The following SLC18A2 variants were observed in gnomAD, a reference collection of about 807,000 sequenced individuals.
SLC18A2 encodes the protein synaptic vesicular amine transporter.
In SLC18A2, 33 loss-of-function variants were observed where a neutral mutation model predicts 59.2. The observed-to-expected ratio is 0.56, with a 90% CI of 0.42 to 0.75. The LOEUF (loss-of-function observed/expected upper bound fraction) is 0.75. Ranked by LOEUF, SLC18A2 falls within the 30% of genes least tolerant of loss-of-function variation. The pLI is 0.00. For synonymous variants in SLC18A2, 228 were observed against 253.5 expected (o/e 0.90, Z 0.95); for missense variants, 569 against 668.6 (o/e 0.85, Z 1.64).
chr10:117,262,193 C>T (rs1844300741), intron 10 of SLC18A2, among the ~76,000 whole-genome samples: 1 of 152,114 alleles, frequency 6.6e-6, no homozygotes, highest in Non-Finnish European at 1.5e-5. Context: ...GCGTGAGCCA[C>T]CGCATCCTGC....
rs760128760 is a variant in SLC18A2 at position 117,243,996 on chromosome 10, C to T, written c.147C>T (p.Tyr49=). The part of the protein sequence containing the change: ...VVVPIIPSYL[Y]SIKHEKNATE... ...TCCCCATCATCCCAAGTTATCTGTA[C>T]AGCATTAAGCATGAGAAGAATGCTA... The change falls in exon 3 of 16, where the codon TAC becomes TAT. Residue 49 remains tyrosine (Y), a synonymous_variant. Transcript: ENST00000644641. The T allele has an allele frequency of 1.2e-4, 195 of 1,613,934 alleles. No individual in the cohort carries two copies. The highest frequency in any genetic ancestry group is 1.6e-4 in the Non-Finnish European group (189 of 1,179,982).
chr10:117,261,640 C>T (rs1844295571), intron 10 of SLC18A2, among the ~76,000 whole-genome samples: 1 of 152,206 alleles, frequency 6.6e-6, no homozygotes, highest in African/African-American at 2.4e-5. Flanking sequence ...CTGGCTTAGA[C>T]TTTCCCTGTT....
At chr10:117,275,812 TAAC>T (rs1844482484) in intron 15 of SLC18A2, among the ~76,000 whole-genome samples, 2 of 152,244 alleles carry the variant, frequency 1.3e-5, no homozygotes, top group South Asian at 4.1e-4. Flanking sequence ...AAATTTTCAG[TAAC>T]AATAAAGGAG....
chr10:117,257,509 T>G (rs1844243824), intron 9 of SLC18A2, among the ~76,000 whole-genome samples: 1 of 152,154 alleles, frequency 6.6e-6, no homozygotes, highest in South Asian at 2.1e-4. Flanking sequence ...GCTTCCTTTC[T>G]TCATTGATAA....
At position 117,262,412 on chromosome 10, in the gene SLC18A2, C is replaced by T. The variant is rs115457906; in HGVS notation, c.992-4321C>T. Among the ~76,000 whole-genome samples the T allele has an allele frequency of 3.3e-3, 504 of 152,306 alleles. 8 individuals carry two copies. Among genetic ancestry groups the T allele is most frequent in the African/African-American group, 0.012 (483 of 41,570 alleles). On this transcript the variant is annotated intron_variant, in intron 10 of 15. Coordinates refer to ENST00000644641, the MANE Select transcript of SLC18A2 (RefSeq NM_003054.6). The stretch of plus-strand genomic sequence containing the variant: ...CTTCAGAGCTCCTAAAGAGGCGTGC[C>T]GCTTGGCAGGAGGGGTGGACTTGGA...
At position 117,270,122 on chromosome 10, in the gene SLC18A2, G is replaced by A. The variant is rs771802997; in HGVS notation, c.1238G>A (p.Arg413Gln). 9.9e-6 allele frequency: 16 copies of A among 1,614,070 alleles called. No homozygotes were observed. The highest frequency in any genetic ancestry group is 9.3e-5 in the African/African-American group (7 of 74,916). Residue 413 changes from arginine to glutamine, a missense_variant, in exon 14 of 16, where the codon CGG (arginine) becomes CAG (glutamine). This residue lies in a region of SLC18A2 where 192 missense variants were observed against 278.8 expected (regional missense o/e 0.69). Transcript: ENST00000644641. ...MPIMGYLVDL[R>Q]HVSVYGSVYA... The stretch of plus-strand genomic sequence containing the variant: ...ATCATGGGCTACCTCGTAGACCTGC[G>A]GCACGTGTCCGTCTATGGGAGTGTG...
Position 117,267,012 on chromosome 10 carries a change from A to T in SLC18A2, c.1099A>T (p.Ile367Phe), listed in dbSNP as rs914892700. 2 of 1,613,682 alleles carry T rather than the reference A, an allele frequency of 1.2e-6. No individual in the cohort carries two copies. Among genetic ancestry groups the T allele is most frequent in the African/African-American group, 2.7e-5 (2 of 75,028 alleles). The stretch of plus-strand genomic sequence containing the variant: ...GCTTTGTGCTCTTCTGGGAATGATA[A>T]TTGTTGGAGTCAGCATTTTATGTGT... ...RWLCALLGMI[I>F]VGVSILCIPF... Residue 367 changes from isoleucine (I) to phenylalanine (F), a missense_variant, in exon 12 of 16, where the codon ATT (isoleucine) becomes TTT (phenylalanine). This residue lies in a region of SLC18A2 where 192 missense variants were observed against 278.8 expected (regional missense o/e 0.69). Coordinates refer to ENST00000644641, the MANE Select transcript of SLC18A2 (RefSeq NM_003054.6).
intron 10 of SLC18A2, among the ~76,000 whole-genome samples, chr10:117,258,765 TC>T (rs549369435): frequency 2.1e-5 from 2 of 96,752 alleles, no homozygotes; most frequent in African/African-American, 8.0e-5. Flanking sequence ...CACCCCCGAC[TC>T]TTTTTTTTTT....
At chr10:117,259,846 C>G (rs530741079) in intron 10 of SLC18A2, among the ~76,000 whole-genome samples, 10 of 152,260 alleles carry the variant, frequency 6.6e-5, no homozygotes, top group Admixed American at 2.6e-4. Flanking sequence ...TTAATCAGCC[C>G]TTTCACTTGG....
rs374136577 is a variant in SLC18A2, at chr10:117,255,528, C to T, written c.834+6C>T. ...CGTCCCGGGTGCAGCCAGAGGTAAG[C>T]GGCTGGGAATGAGGGCCCTGGGGGA... On this transcript the variant is annotated splice_donor_region_variant and intron_variant, in intron 8 of 15. Transcript: ENST00000644641. The T allele has an allele frequency of 2.4e-5, 39 of 1,613,980 alleles. No homozygotes were observed. The African/African-American group carries it at 3.6e-4, about 15-fold the overall frequency.
At chr10:117,261,253 C>A (rs1844291340) in intron 10 of SLC18A2, among the ~76,000 whole-genome samples, 1 of 150,970 alleles carries the variant, frequency 6.6e-6, no homozygotes, top group African/African-American at 2.5e-5. Context: ...AAAAAATTAG[C>A]CAGGAGTAGT....
intron 14 of SLC18A2, 47 bp downstream of exon 14, chr10:117,270,237 T>G: frequency 1.9e-6 from 3 of 1,613,400 alleles, no homozygotes; most frequent in Non-Finnish European, 2.5e-6. Context: ...CAATACGTAA[T>G]GGATAACGTC....
Position 117,243,993 on chromosome 10 carries a change from G to C in SLC18A2, c.144G>C (p.Leu48=). 6.2e-7 allele frequency: 1 copy of C among 1,613,866 alleles called. No homozygotes were observed. The highest frequency in any genetic ancestry group is 8.5e-7 in the Non-Finnish European group (1 of 1,179,920). The change falls in exon 3 of 16, where the codon CTG becomes CTC. Residue 48 remains leucine, a synonymous_variant. Coordinates refer to ENST00000644641, the MANE Select transcript of SLC18A2 (RefSeq NM_003054.6). ...TVVVPIIPSY[L]YSIKHEKNAT... Reference sequence around the variant, plus strand: ...CAGTCCCCATCATCCCAAGTTATCTGTACAGCATTAAGCATGAGAAGAATG... The same window carrying C: ...CAGTCCCCATCATCCCAAGTTATCTCTACAGCATTAAGCATGAGAAGAATG...
At chr10:117,272,075 G>A (rs1035626567) in intron 15 of SLC18A2, among the ~76,000 whole-genome samples, 10 of 152,164 alleles carry the variant, frequency 6.6e-5, no homozygotes. Context: ...AGGCTTATGA[G>A]TCTTGGTTTC....
rs768220940 is a variant in SLC18A2, at chr10:117,254,513, G to A, written c.700+16G>A. The A allele has an allele frequency of 4.5e-6, 7 of 1,562,622 alleles. No homozygotes were observed. The Admixed American group carries it at 5.7e-5, about 13-fold the overall frequency. On this transcript the variant is annotated intron_variant, in intron 6 of 15. Coordinates refer to ENST00000644641, the MANE Select transcript of SLC18A2 (RefSeq NM_003054.6). ...GGGGTCTTAGGTGGGTAAGGCCCCCGTGTAGGCAAACTGGCAAGAGGGGCC... is the reference window on the plus strand; with the variant it reads ...GGGGTCTTAGGTGGGTAAGGCCCCCATGTAGGCAAACTGGCAAGAGGGGCC...
Position 117,254,125 on chromosome 10 carries a change from G to A in SLC18A2, c.601G>A (p.Val201Met). The A allele has an allele frequency of 1.9e-6, 3 of 1,613,316 alleles. No individual in the cohort carries two copies. Among genetic ancestry groups the A allele is most frequent in the Non-Finnish European group, 2.5e-6 (3 of 1,180,016 alleles). Residue 201 changes from valine (V) to methionine (M), a missense_variant, in exon 5 of 16, where the codon GTG becomes ATG. This residue lies in a region of SLC18A2 where 377 missense variants were observed against 389.8 expected (regional missense o/e 0.97). Transcript: ENST00000644641. ...LQGIGSSCSS[V>M]AGMGMLASVY... ...GGGCATCGGCTCGTCCTGCTCCTCTGTGGCTGGTAGGTGTGGAATGCCTGA... is the reference window on the plus strand; with the variant it reads ...GGGCATCGGCTCGTCCTGCTCCTCTATGGCTGGTAGGTGTGGAATGCCTGA...
At chr10:117,266,608 G>A in intron 10 of SLC18A2, 125 bp from the exon 11 acceptor site, 1 of 728,768 alleles carries the variant, frequency 1.4e-6, no homozygotes, top group Non-Finnish European at 2.3e-6. Context: ...ATTAGCTGCT[G>A]GGGTGTGGGC....
In SLC18A2 at chr10:117,270,088, A is replaced by G. The variant is rs781619148; in HGVS notation, c.1204A>G (p.Met402Val). The G allele has an allele frequency of 3.7e-5, 60 of 1,614,074 alleles. No individual in the cohort carries two copies. The highest frequency in any genetic ancestry group is 1.6e-4 in the East Asian group (7 of 44,882). Residue 402 changes from methionine to valine, a missense_variant, in exon 14 of 16, where the codon ATG becomes GTG. Transcript: ENST00000644641. ...GFAIGMVDSS[M>V]MPIMGYLVDL... ...GTCTTCAGGAATGGTGGATTCGTCA[A>G]TGATGCCTATCATGGGCTACCTCGT...
chr10:117,274,035 C>T (rs1844456821), intron 15 of SLC18A2, among the ~76,000 whole-genome samples: 1 of 152,190 alleles, frequency 6.6e-6, no homozygotes, highest in African/African-American at 2.4e-5. Flanking sequence ...ATTTAATTTA[C>T]CTGCCTGCAC....
Sources: allele counts gnomAD v4.1 joint callset (sites outside exome capture counted in the v4.1 genomes callset), GRCh38; gene constraint gnomAD v4.1.1; regional missense constraint gnomAD v4.1.1; transcripts MANE v1.5; gene names NCBI Gene and HGNC (gene_info 2026-07-23, HGNC 2026-07-21).